Variants in LFNG observed in about 807,000 individuals in gnomAD.
The protein encoded by LFNG is LFNG O-fucosylpeptide 3-beta-N-acetylglucosaminyltransferase.
A neutral mutation model predicts 32.7 loss-of-function variants in LFNG; 15 were observed. The observed-to-expected ratio is 0.46, with a 90% CI of 0.31 to 0.71. The LOEUF (loss-of-function observed/expected upper bound fraction) is 0.71, where lower values mean the gene tolerates loss of function less well. Ranked by LOEUF, LFNG falls within the 30% of genes least tolerant of loss-of-function variation. The pLI, the probability that LFNG is intolerant of heterozygous loss-of-function variation, is 0.06. For missense variants in LFNG, 520 were observed against 545.7 expected (o/e 0.95, Z 0.47); for synonymous variants, 274 against 246.8 (o/e 1.11, Z -1.03).
downstream of LFNG, chr7:2,528,742 C>T (rs1780072687): frequency 3.2e-6 from 2 of 616,446 alleles, no homozygotes; most frequent in Non-Finnish European, 5.9e-6. Flanking sequence ...AGGCTCTGGC[C>T]TGGTCTGGCC....
chr7:2,525,133 G>A, intron 2 of LFNG, 86 bp from the exon 3 acceptor site: 1 of 1,199,144 alleles, frequency 8.3e-7, no homozygotes, highest in Admixed American at 1.9e-5. Flanking sequence ...CTTTTCTCGA[G>A]CCCCTGGGCC....
chr7:2,517,659 G>C (rs770290041), upstream of LFNG: 16 of 456,410 alleles, frequency 3.5e-5, no homozygotes, highest in South Asian at 2.3e-4. Flanking sequence ...GTCAGGTGGG[G>C]TGCAGGGTGG....
upstream of LFNG, chr7:2,513,235 G>A (rs766797948): frequency 6.9e-6 from 11 of 1,593,274 alleles, no homozygotes; most frequent in Admixed American, 3.4e-5. Context: ...AAGGATGGAC[G>A]GACAGATGGA....
rs1779771182 is a variant in LFNG, at chr7:2,520,984, C to T, written c.432+691C>T. Among the ~76,000 whole-genome samples, 1 of 152,084 alleles carries T rather than the reference C, an allele frequency of 6.6e-6. No homozygotes were observed. Among genetic ancestry groups the T allele is most frequent in the Non-Finnish European group, 1.5e-5 (1 of 68,018 alleles). On this transcript the variant is annotated intron_variant, in intron 1 of 7. Coordinates refer to ENST00000222725, the MANE Select transcript of LFNG (RefSeq NM_001040167.2). The surrounding 1 kb of genome is among the most constrained non-coding windows in gnomAD (Gnocchi z 5.0). Reference sequence around the variant, plus strand: ...CATTTCCCTCGAGGCCACAGCAGGACGGTTGGGCTGGGGCGGGATGGGGAC... The same window carrying T: ...CATTTCCCTCGAGGCCACAGCAGGATGGTTGGGCTGGGGCGGGATGGGGAC...
In LFNG at chr7:2,520,002, C is replaced by T; in HGVS notation, c.141C>T (p.Gly47=). The change falls in exon 1 of 8, where the codon GGC becomes GGT. Residue 47 remains glycine, a synonymous_variant. Coordinates refer to ENST00000222725, the MANE Select transcript of LFNG (RefSeq NM_001040167.2). This position sits in a 1 kb window ranked among gnomAD's most constrained non-coding sequence, Gnocchi z 5.0. ...GGCGCGCGCTGCGCAGCCTGGCGGGCCCCGCGGGGGCTGCCCCGGCGCCCG... is the reference window on the plus strand; with the variant it reads ...GGCGCGCGCTGCGCAGCCTGGCGGGTCCCGCGGGGGCTGCCCCGGCGCCCG... ...RGRRALRSLA[G]PAGAAPAPGL... is the part of the protein sequence containing the mutation. 1 of 985,002 alleles carries T rather than the reference C, an allele frequency of 1.0e-6. No individual in the cohort carries two copies. Among genetic ancestry groups the T allele is most frequent in the Non-Finnish European group, 1.2e-6 (1 of 831,820 alleles). 61.0% of individuals were successfully genotyped at this position (985,002 alleles called of 1,614,324 possible). A position where few individuals can be genotyped will look rare whatever the true frequency, so the allele number is the denominator to read the frequency against.
At chr7:2,519,471 G>A (rs1192992302), upstream of LFNG, among the ~76,000 whole-genome samples, 1 of 152,020 alleles carries the variant, frequency 6.6e-6, no homozygotes, top group Non-Finnish European at 1.5e-5. Context: ...CCCGGACGGC[G>A]CTGGCCAGGC....
upstream of LFNG, chr7:2,518,516 G>A (rs376851039): frequency 9.8e-7 from 1 of 1,019,482 alleles, no homozygotes; most frequent in Non-Finnish European, 1.6e-6. Context: ...AATTTTTTCA[G>A]AGCACCTACT....
chr7:2,517,760 C>A, upstream of LFNG: 1 of 682,326 alleles, frequency 1.5e-6, no homozygotes, highest in Non-Finnish European at 2.3e-6. Flanking sequence ...TGCTTGGCTG[C>A]AGGGGATTGA....
At chr7:2,513,803 T>C (rs759213253), upstream of LFNG, among the ~76,000 whole-genome samples, 1 of 152,228 alleles carries the variant, frequency 6.6e-6, no homozygotes, top group Non-Finnish European at 1.5e-5. Context: ...TCCTGGTGGC[T>C]GCGCTCTGAT....
chr7:2,527,505 G>T lies in LFNG; in HGVS notation c.*293G>T, dbSNP rs996032742. 2.5e-5 allele frequency: 34 copies of T among 1,357,350 alleles called. No homozygotes were observed. Among genetic ancestry groups the T allele is most frequent in the Non-Finnish European group, 1.9e-6 (2 of 1,049,348 alleles). 84.1% of individuals were successfully genotyped at this position (1,357,350 alleles called of 1,614,324 possible). On this transcript the variant is annotated 3_prime_UTR_variant, in exon 8 of 8. Coordinates refer to ENST00000222725, the MANE Select transcript of LFNG (RefSeq NM_001040167.2). This position sits in a 1 kb window ranked among gnomAD's most constrained non-coding sequence, Gnocchi z 4.4. ...TTGTGTGTCGGAGGCCACTCCGAGG[G>T]CAATTCTGTTAGGATTTTTGGATCT...
intron 1 of LFNG, chr7:2,512,808 C>G: frequency 2.1e-6 from 2 of 958,340 alleles, no homozygotes; most frequent in South Asian, 2.7e-5. Context: ...GCATTCTACA[C>G]CTAGATCCTC....
chr7:2,527,758 A>C lies in LFNG; in HGVS notation c.*546A>C. On this transcript the variant is annotated 3_prime_UTR_variant, in exon 8 of 8. Transcript: ENST00000222725. This position sits in a 1 kb window ranked among gnomAD's most constrained non-coding sequence, Gnocchi z 4.4. The stretch of plus-strand genomic sequence containing the variant: ...CTCCTGGCCTGGACGCTGTGGCTTA[A>C]GAGTAACAGCAGCCACCGCCCAGTT... The C allele has an allele frequency of 2.0e-6, 2 of 1,014,456 alleles. No individual in the cohort carries two copies. The highest frequency in any genetic ancestry group is 2.4e-6 in the Non-Finnish European group (2 of 845,770). The allele number at this position is 1,014,456 out of a possible 1,614,324, so 62.8% of individuals were successfully genotyped here.
At chr7:2,513,053 G>A, upstream of LFNG, 3 of 1,119,502 alleles carry the variant, frequency 2.7e-6, no homozygotes, top group Non-Finnish European at 2.6e-6. Context: ...CTGCCTCCCA[G>A]CCCCAGCCCA....
upstream of LFNG, chr7:2,513,238 C>T (rs1338505610): frequency 3.1e-6 from 5 of 1,593,414 alleles, no homozygotes; most frequent in African/African-American, 8.0e-5. Flanking sequence ...GATGGACGGA[C>T]AGATGGACAG....
At chr7:2,519,659 G>C (rs1300252578), upstream of LFNG, among the ~76,000 whole-genome samples, 1 of 149,664 alleles carries the variant, frequency 6.7e-6, no homozygotes, top group African/African-American at 2.4e-5. Context: ...GTGGGTCTGC[G>C]GGCGTGGAGC....
At chr7:2,513,032 C>A, upstream of LFNG, 1 of 893,338 alleles carries the variant, frequency 1.1e-6, no homozygotes, top group Non-Finnish European at 1.7e-6. Context: ...GGAAGACTTT[C>A]CAGAAGTCCC....
chr7:2,513,408 C>T, upstream of LFNG: 1 of 1,424,010 alleles, frequency 7.0e-7, no homozygotes, highest in Non-Finnish European at 9.5e-7. Context: ...GATGCTGTAT[C>T]GTCTTCCCTG....
chr7:2,526,438 C>T lies in LFNG; in HGVS notation c.987+29C>T, dbSNP rs1779978114. 1 of 1,601,702 alleles carries T rather than the reference C, an allele frequency of 6.2e-7. No individual in the cohort carries two copies. The highest frequency in any genetic ancestry group is 1.1e-5 in the South Asian group (1 of 91,046). ...CACCATCCTCCGGGCCCCGCCAGGA[C>T]TCCGAGAGCACAGGAAGGGACGTGT... On this transcript the variant is annotated intron_variant, in intron 6 of 7. Coordinates refer to ENST00000222725, the MANE Select transcript of LFNG (RefSeq NM_001040167.2). The surrounding 1 kb of genome is among the most constrained non-coding windows in gnomAD (Gnocchi z 6.9).
At chr7:2,515,354 AG>A (rs1238629288), upstream of LFNG, among the ~76,000 whole-genome samples, 1 of 152,220 alleles carries the variant, frequency 6.6e-6, no homozygotes, top group African/African-American at 2.4e-5. Flanking sequence ...CCTGACAAGC[AG>A]CAAGAGGCAG....
Sources: gnomAD v4.1 joint callset for allele counts (sites outside exome capture counted in the v4.1 genomes callset) on GRCh38, gnomAD v4.1.1 for gene constraint, Gnocchi (gnomAD v3.1) non-coding constraint, MANE v1.5 for transcripts, NCBI Gene and HGNC (gene_info 2026-07-23, HGNC 2026-07-21) for gene names.